TPM1: variants seen among roughly 807,000 people sequenced by gnomAD.
TPM1 encodes tropomyosin alpha-1 chain.
A neutral mutation model predicts 42.9 loss-of-function variants in TPM1; 24 were observed. The ratio of observed to expected loss-of-function variants is 0.56; its 90% confidence interval spans 0.41 to 0.79. The LOEUF is 0.79. Among genes scored for constraint, TPM1 ranks in the 30% least tolerant of loss-of-function variants. The probability of loss-of-function intolerance (pLI) is 0.00; values close to 1 mark genes in which losing one functional copy is unlikely to be tolerated. For missense variants in TPM1, 158 were observed against 351.8 expected (o/e 0.45, Z 4.41); for synonymous variants, 136 against 130.1 (o/e 1.05, Z -0.31).
intron 7 of TPM1, 116 bp from the exon 8 acceptor site, chr15:63,062,460 A>G (rs755178770): frequency 3.0e-6 from 4 of 1,344,800 alleles, no homozygotes; most frequent in Non-Finnish European, 4.2e-6. Context: ...ACTGACAAGT[A>G]GTTTCTGATC....
chr15:63,048,376 C>T (rs963685739), intron 2 of TPM1: 1 of 1,333,758 alleles, frequency 7.5e-7, no homozygotes, highest in Non-Finnish European at 9.6e-7. Context: ...CGCGCGCGCC[C>T]GCCTGCGGTT....
At chr15:63,068,875 G>A (rs1026925159), downstream of TPM1, among the ~76,000 whole-genome samples, 30 of 152,302 alleles carry the variant, frequency 2.0e-4, no homozygotes, top group African/African-American at 6.0e-4. Context: ...AGGGCTGGGC[G>A]CGGTGGCTCA....
chr15:63,059,764 G>A (rs185155152), intron 4 of TPM1, 84 bp downstream of exon 4: 57 of 961,874 alleles, frequency 5.9e-5, no homozygotes, highest in African/African-American at 1.8e-4. Context: ...CTTGATTCCC[G>A]AGTGAGGCCA....
chr15:63,054,396 T>A (rs1340472370), intron 2 of TPM1: 1 of 152,130 alleles, frequency 6.6e-6, no homozygotes, highest in African/African-American at 2.4e-5. Context: ...GTGGGGGTGA[T>A]CGGAGGGAAG....
At chr15:63,070,161 G>T, downstream of TPM1, 1 of 1,385,120 alleles carries the variant, frequency 7.2e-7, no homozygotes, top group Non-Finnish European at 9.4e-7. Context: ...TTTTATGGTA[G>T]AATACTTATA....
chr15:63,054,209 G>A (rs148694757), intron 2 of TPM1, among the ~76,000 whole-genome samples: 1 of 152,290 alleles, frequency 6.6e-6, no homozygotes, highest in East Asian at 1.9e-4. Context: ...TGGTCTCCAT[G>A]CCCAGTCGTT....
downstream of TPM1, among the ~76,000 whole-genome samples, chr15:63,068,581 G>C (rs904729555): frequency 2.0e-5 from 3 of 152,146 alleles, no homozygotes; most frequent in Non-Finnish European, 2.9e-5. Context: ...TCAAGATCAT[G>C]AAGTATTTTT....
Position 63,050,205 on chromosome 15 carries a change from C to T in TPM1, c.240+6053C>T, listed in dbSNP as rs559016944. Among the ~76,000 whole-genome samples, 15 of 152,362 alleles carry T rather than the reference C, an allele frequency of 9.8e-5. 1 individual carries two copies. The East Asian group carries it at 2.9e-3, about 29-fold the overall frequency. ...CCCTGGCAGCCCAGTGCTCCTTCAC[C>T]TTCAGTTCCCCACCCAGCAAGAGGT... is the stretch of plus-strand genomic sequence containing the variant. On this transcript the variant is annotated intron_variant, in intron 2 of 9. Coordinates refer to ENST00000403994, the MANE Select transcript of TPM1 (RefSeq NM_001018005.2).
At chr15:63,071,061 C>A, downstream of TPM1, 1 of 1,613,510 alleles carries the variant, frequency 6.2e-7, no homozygotes, top group South Asian at 1.1e-5. Context: ...CACAGCTATT[C>A]ATGACTTAAT....
intron 2 of TPM1, among the ~76,000 whole-genome samples, chr15:63,055,343 C>T (rs878999472): frequency 6.6e-6 from 1 of 152,188 alleles, no homozygotes; most frequent in Admixed American, 6.5e-5. Flanking sequence ...GTTGGAGATG[C>T]CCTACTCACC....
chr15:63,042,776 C>T lies in TPM1; in HGVS notation c.-54C>T. 4 of 1,503,452 alleles carry T rather than the reference C, an allele frequency of 2.7e-6. No homozygotes were observed. The highest frequency in any genetic ancestry group is 1.4e-5 in the African/African-American group (1 of 72,652). The allele number at this position is 1,503,452 out of a possible 1,614,324, so 93.1% of individuals were successfully genotyped here. A position where few individuals can be genotyped will look rare whatever the true frequency, so the allele number is the denominator to read the frequency against. ...GCACTCCCGCTCCTCCGCCCGACCG[C>T]GCGCTCGCCCCGCCGCTCCTGCTGC... is the stretch of plus-strand genomic sequence containing the variant. On this transcript the variant is annotated 5_prime_UTR_variant, in exon 1 of 10. Coordinates refer to ENST00000403994, the MANE Select transcript of TPM1 (RefSeq NM_001018005.2).
intron 2 of TPM1, among the ~76,000 whole-genome samples, chr15:63,051,998 G>A (rs901498233): frequency 6.6e-6 from 1 of 151,474 alleles, no homozygotes; most frequent in African/African-American, 2.4e-5. Context: ...GGGGGAATGG[G>A]GTGCATGCCC....
intron 2 of TPM1, chr15:63,056,543 T>G: frequency 9.8e-6 from 2 of 204,568 alleles, no homozygotes; most frequent in Non-Finnish European, 2.0e-5. Context: ...GGCGGGCGCC[T>G]GTAGTCCCAA....
intron 2 of TPM1, chr15:63,047,536 T>G (rs748645017): frequency 1.2e-4 from 18 of 152,212 alleles, no homozygotes; most frequent in Non-Finnish European, 2.5e-4. Context: ...GGCATCCCAG[T>G]CCAGCCCAGG....
chr15:63,066,441 G>T (rs1435206603), downstream of TPM1, among the ~76,000 whole-genome samples: 2 of 152,212 alleles, frequency 1.3e-5, no homozygotes, highest in Non-Finnish European at 2.9e-5. Flanking sequence ...GGTCTGGCTT[G>T]ATCAGTGTCT....
At chr15:63,045,293 G>C (rs998006478) in intron 2 of TPM1, 2 of 152,216 alleles carry the variant, frequency 1.3e-5, no homozygotes, top group African/African-American at 4.8e-5. Context: ...GAGAACTCCA[G>C]AGACGACATT....
intron 8 of TPM1, 40 bp from the exon 9 acceptor site, chr15:63,064,024 C>T: frequency 6.2e-7 from 1 of 1,611,964 alleles, no homozygotes; most frequent in East Asian, 2.2e-5. Flanking sequence ...TGATCACTCT[C>T]CATGTTCTTG....
At chr15:63,061,328 C>A in intron 5 of TPM1, 1 of 1,539,438 alleles carries the variant, frequency 6.5e-7, no homozygotes, top group Non-Finnish European at 9.0e-7. Flanking sequence ...CATCTTTCAG[C>A]TTCCAATGCC....
intron 9 of TPM1, 62 bp from the exon 10 acceptor site, chr15:63,065,829 CTTTCT>C (rs2036218209): frequency 1.3e-6 from 2 of 1,509,488 alleles, no homozygotes; most frequent in South Asian, 1.2e-5. Context: ...GTTTGGTTTC[CTTTCT>C]TTTTTTTTTT....
Sources: allele counts gnomAD v4.1 joint callset (sites outside exome capture counted in the v4.1 genomes callset), GRCh38; gene constraint gnomAD v4.1.1; transcripts MANE v1.5; gene names NCBI Gene and HGNC (gene_info 2026-07-23, HGNC 2026-07-21).